ZNF600: variants seen among roughly 807,000 people sequenced by gnomAD.
ZNF600 encodes the protein zinc finger protein 600, also known as zinc finger protein KR-ZNF1.
Under a neutral mutation model 7.3 loss-of-function variants are expected in ZNF600, and 4 were observed. The ratio of observed to expected loss-of-function variants is 0.55; its 90% CI spans 0.27 to 1.25. The LOEUF (loss-of-function observed/expected upper bound fraction) is 1.25, where lower values mean the gene tolerates loss of function less well. Ranked by LOEUF, ZNF600 falls within the 50% of genes most tolerant of loss-of-function variation. The pLI is 0.12. For missense variants in ZNF600, 911 were observed against 922.1 expected (o/e 0.99, Z 0.16); for synonymous variants, 290 against 308.9 (o/e 0.94, Z 0.64).
Position 52,786,049 on chromosome 19 carries a change from CCTCT to C in ZNF600, c.-20+542_-20+545del, listed in dbSNP as rs551382594. Among the ~76,000 whole-genome samples, 220 of 152,158 alleles carry C rather than the reference CCTCT, an allele frequency of 1.4e-3. 3 individuals are homozygous for C. The highest frequency in any genetic ancestry group is 4.9e-3 in the African/African-American group (202 of 41,494). On this transcript the variant is annotated intron_variant, in intron 1 of 3. Transcript: ENST00000648973. ...CTGGTTTTCTACTGCTCTCTCAGTC[CCTCT>C]CTCTATCTCCTGATCCCTTTGGCCC... is the stretch of plus-strand genomic sequence containing the variant.
the ZNF600 span, among the ~76,000 whole-genome samples, chr19:52,823,605 C>T: frequency 2.0e-5 from 3 of 152,226 alleles, no homozygotes; most frequent in Admixed American, 6.5e-5. Flanking sequence ...TTTAAATGTC[C>T]GTAGCTTTAA....
chr19:52,796,903 T>C, the ZNF600 span, among the ~76,000 whole-genome samples: 5 of 152,222 alleles, frequency 3.3e-5, no homozygotes, highest in Non-Finnish European at 5.9e-5. Context: ...TATAACAGAT[T>C]TGTACCATTT....
chr19:52,787,851 C>T (rs2062778305), upstream of ZNF600, among the ~76,000 whole-genome samples: 1 of 129,658 alleles, frequency 7.7e-6, no homozygotes, highest in Admixed American at 7.8e-5. Context: ...CAGAGCGAGG[C>T]TACGTCTCAA....
intron 3 of ZNF600, among the ~76,000 whole-genome samples, chr19:52,768,728 T>TAGAGAGTTAGAGTAG (rs1209803605): frequency 1.3e-5 from 2 of 151,874 alleles, no homozygotes; most frequent in African/African-American, 4.8e-5. Context: ...GTGTTTTTAG[T>TAGAGAGTTAGAGTAG]AGAGATGTGT....
At chr19:52,801,583 G>T in the ZNF600 span, 3 of 1,614,052 alleles carry the variant, frequency 1.9e-6, no homozygotes, top group Non-Finnish European at 2.5e-6. Context: ...TCAATTTTCT[G>T]GAAGCAAAAA....
At chr19:52,828,462 C>G in the ZNF600 span, among the ~76,000 whole-genome samples, 1 of 152,064 alleles carries the variant, frequency 6.6e-6, no homozygotes, top group Non-Finnish European at 1.5e-5. Context: ...GAGAGACTTT[C>G]TCTCAAAAAA....
At chr19:52,825,918 A>G in the ZNF600 span, among the ~76,000 whole-genome samples, 1 of 152,280 alleles carries the variant, frequency 6.6e-6, no homozygotes, top group South Asian at 2.1e-4. Context: ...AACCTGGAGG[A>G]AAGAGTCTGC....
At chr19:52,811,730 G>A in the ZNF600 span, among the ~76,000 whole-genome samples, 716 of 149,832 alleles carry the variant, frequency 4.8e-3, 10 homozygotes, top group African/African-American at 0.017. Flanking sequence ...GAGCGTCTCC[G>A]CCCGGCAGCC....
rs965618968 is a variant in ZNF600 at position 52,774,664 on chromosome 19, G to T, written c.101C>A (p.Ser34Ter). The T allele has an allele frequency of 9.1e-6, 9 of 985,180 alleles. No homozygotes were observed. The highest frequency in any genetic ancestry group is 1.1e-5 in the Non-Finnish European group (9 of 829,924). 61.0% of individuals were successfully genotyped at this position (985,180 alleles called of 1,614,324 possible). ...GTTCAGGCATTTCCACTCTGCCAAT[G>T]AGAATTCTATAGCCACATCCCTGAA... is the stretch of plus-strand genomic sequence containing the variant. Residue 34 changes from serine (S) to a stop codon, truncating the protein, a stop_gained, in exon 3 of 4, where the codon TCA becomes TAA. Transcript: ENST00000648973. LOFTEE classifies it high-confidence loss of function.
the ZNF600 span, chr19:52,798,831 T>C: frequency 2.9e-6 from 3 of 1,043,036 alleles, no homozygotes; most frequent in East Asian, 7.3e-5. Flanking sequence ...CTGAAAACTT[T>C]GTGACAATCA....
At chr19:52,800,413 A>T in the ZNF600 span, 1 of 1,610,728 alleles carries the variant, frequency 6.2e-7, no homozygotes, top group East Asian at 2.2e-5. Context: ...TGTGATTTGC[A>T]CCTGAAAACT....
chr19:52,771,188 TCCCCCATGTCAGGAC>T (rs2062627519), intron 3 of ZNF600, among the ~76,000 whole-genome samples: 1 of 151,966 alleles, frequency 6.6e-6, no homozygotes, highest in African/African-American at 2.4e-5. Context: ...TGCTCCTCTT[TCCCCCATGTCAGGAC>T]ACTGCAGGAA....
chr19:52,810,672 C>A, the ZNF600 span: 2 of 962,026 alleles, frequency 2.1e-6, no homozygotes, highest in East Asian at 4.8e-5. Context: ...TCTACAGGGG[C>A]CGGGCTAGAG....
the ZNF600 span, among the ~76,000 whole-genome samples, chr19:52,820,638 C>G: frequency 5.9e-5 from 9 of 151,330 alleles, no homozygotes; most frequent in Admixed American, 4.6e-4. Context: ...CTGTCTGACC[C>G]GGCTCCACAT....
upstream of ZNF600, among the ~76,000 whole-genome samples, chr19:52,791,303 T>C (rs1341852249): frequency 6.6e-6 from 1 of 152,160 alleles, no homozygotes; most frequent in Non-Finnish European, 1.5e-5. Flanking sequence ...GTGGAGCCTC[T>C]TCCCAAGTTC....
chr19:52,803,801 A>G, the ZNF600 span, among the ~76,000 whole-genome samples: 2 of 152,124 alleles, frequency 1.3e-5, no homozygotes, highest in South Asian at 4.1e-4. Context: ...TACTAAAAAT[A>G]CAAAAAAATT....
the ZNF600 span, chr19:52,800,122 C>T: frequency 6.2e-7 from 1 of 1,614,042 alleles, no homozygotes; most frequent in Non-Finnish European, 8.5e-7. Context: ...GGTTTCTCTC[C>T]AGTATGAATC....
chr19:52,801,842 G>C, the ZNF600 span: 1 of 798,408 alleles, frequency 1.3e-6, no homozygotes, highest in Non-Finnish European at 1.9e-6. Flanking sequence ...CACAAAAGGA[G>C]TAAGATTCTT....
chr19:52,794,844 A>G, the ZNF600 span, among the ~76,000 whole-genome samples: 2 of 151,904 alleles, frequency 1.3e-5, no homozygotes, highest in African/African-American at 2.4e-5. Flanking sequence ...ACAGAGTGAC[A>G]CTCTTGTCTC....
Sources: gnomAD v4.1 joint callset for allele counts (sites outside exome capture counted in the v4.1 genomes callset) on GRCh38, gnomAD v4.1.1 for gene constraint, MANE v1.5 for transcripts, NCBI Gene and HGNC (gene_info 2026-07-23, HGNC 2026-07-21) for gene names.